The following FAF1 variants were observed in gnomAD, a reference collection of about 807,000 sequenced individuals.
The protein encoded by FAF1 is FAS-associated factor 1.
Under a neutral mutation model 92.5 loss-of-function variants are expected in FAF1, and 25 were observed. That is an observed-to-expected ratio of 0.27 (90% CI 0.20 to 0.38). The LOEUF (loss-of-function observed/expected upper bound fraction) is 0.38, where lower values mean the gene tolerates loss of function less well. FAF1 is among the 10% of genes least tolerant of loss of function. FAF1 has a pLI of 1.00. For synonymous variants in FAF1, 234 were observed against 273.2 expected, an observed-to-expected ratio of 0.86 and a Z score of 1.42; for missense variants, 636 against 793.3, an observed-to-expected ratio of 0.80 and a Z score of 2.38.
chr1:50,710,286 C>G (rs1264139170), intron 6 of FAF1, among the ~76,000 whole-genome samples: 5 of 152,168 alleles, frequency 3.3e-5, no homozygotes, highest in Admixed American at 3.3e-4. Flanking sequence ...GTTTGACTGC[C>G]AGACTGCTTT....
At chr1:50,637,677 A>ATGTGTGTG (rs1290887015) in intron 8 of FAF1, among the ~76,000 whole-genome samples, 5 of 95,330 alleles carry the variant, frequency 5.2e-5, no homozygotes, top group African/African-American at 1.7e-4. Flanking sequence ...TCACACATAT[A>ATGTGTGTG]TATATGTGTG....
In FAF1 at chr1:50,959,892, A is replaced by G. The variant is rs1170319898; in HGVS notation, c.-81T>C. ...GGCACCTCCTGCGACCGTCGCCGCC[A>G]CCGCCGCCGCCGCCGCCGGGCGCCG... On this transcript the variant is annotated 5_prime_UTR_variant, in exon 1 of 19. Coordinates refer to ENST00000396153, the MANE Select transcript of FAF1 (RefSeq NM_007051.3). 5 of 911,336 alleles carry G rather than the reference A, an allele frequency of 5.5e-6. No individual in the cohort carries two copies. Among genetic ancestry groups the G allele is most frequent in the African/African-American group, 1.8e-5 (1 of 57,054 alleles). 56.5% of individuals were successfully genotyped at this position (911,336 alleles called of 1,614,324 possible). A position where few individuals can be genotyped will look rare whatever the true frequency, so the allele number is the denominator to read the frequency against.
intron 7 of FAF1, among the ~76,000 whole-genome samples, chr1:50,663,953 A>G (rs1655506246): frequency 6.6e-6 from 1 of 150,982 alleles, no homozygotes; most frequent in Non-Finnish European, 1.5e-5. Flanking sequence ...ACTTCATTGC[A>G]TTCTCAGTTT....
chr1:50,881,137 A>C (rs1644608663), intron 1 of FAF1, among the ~76,000 whole-genome samples: 2 of 152,200 alleles, frequency 1.3e-5, no homozygotes, highest in Admixed American at 6.5e-5. Context: ...GTTCTAGACA[A>C]ATACAAGAAT....
At chr1:50,557,238 C>T (rs1411575013) in intron 13 of FAF1, among the ~76,000 whole-genome samples, 1 of 152,212 alleles carries the variant, frequency 6.6e-6, no homozygotes, top group Non-Finnish European at 1.5e-5. Context: ...CACATGAAAG[C>T]AATCTATTTA....
chr1:50,641,091 T>TA (rs1654306888), intron 8 of FAF1, among the ~76,000 whole-genome samples: 1 of 151,998 alleles, frequency 6.6e-6, no homozygotes, highest in African/African-American at 2.4e-5. Flanking sequence ...CTCAGCCTCC[T>TA]AAAGTGCTGG....
At chr1:50,757,883 T>C (rs1244452809) in intron 4 of FAF1, among the ~76,000 whole-genome samples, 2 of 152,192 alleles carry the variant, frequency 1.3e-5, no homozygotes, top group Non-Finnish European at 2.9e-5. Context: ...ATGACCATTA[T>C]GTGTATTCAC....
chr1:50,532,841 T>G (rs779391540), intron 15 of FAF1, among the ~76,000 whole-genome samples: 39 of 152,318 alleles, frequency 2.6e-4, no homozygotes, highest in African/African-American at 8.9e-4. Context: ...AGACAGGGTC[T>G]CACTCTGTCA....
chr1:50,829,754 T>C (rs1368567869), intron 2 of FAF1, among the ~76,000 whole-genome samples: 1 of 152,254 alleles, frequency 6.6e-6, no homozygotes. Context: ...GCTGACATTA[T>C]ATCCTGTAAC....
intron 1 of FAF1, among the ~76,000 whole-genome samples, chr1:50,941,973 G>A (rs1164210722): frequency 2.0e-5 from 3 of 152,008 alleles, no homozygotes; most frequent in Non-Finnish European, 4.4e-5. Context: ...ATACCCATTT[G>A]AGAAAATGTG....
intron 1 of FAF1, among the ~76,000 whole-genome samples, chr1:50,952,101 TTTCTACGGTCTCCATCTCCCTC>T (rs1430931267): frequency 6.6e-6 from 1 of 152,184 alleles, no homozygotes; most frequent in Non-Finnish European, 1.5e-5. Flanking sequence ...CCCTCTCCCC[TTTCTACGGTCTCCATCTCCCTC>T]ATCTCCCGTT....
intron 13 of FAF1, 89 bp downstream of exon 13, chr1:50,566,988 G>A: frequency 9.9e-7 from 1 of 1,008,722 alleles, no homozygotes; most frequent in Non-Finnish European, 1.4e-6. Flanking sequence ...GTTTAATGCT[G>A]AGGATGAAAA....
intron 8 of FAF1, among the ~76,000 whole-genome samples, chr1:50,598,503 T>C (rs1651938856): frequency 6.6e-6 from 1 of 151,436 alleles, no homozygotes; most frequent in African/African-American, 2.4e-5. Flanking sequence ...TTTTCTGTTC[T>C]GTAAAATTAA....
intron 15 of FAF1, among the ~76,000 whole-genome samples, chr1:50,493,269 G>C (rs1385780234): frequency 6.6e-6 from 1 of 152,096 alleles, no homozygotes; most frequent in South Asian, 2.1e-4. Flanking sequence ...CTGACCTCAA[G>C]TGATCTGCCT....
intron 5 of FAF1, among the ~76,000 whole-genome samples, chr1:50,741,108 G>C (rs1360808296): frequency 6.6e-6 from 1 of 152,238 alleles, no homozygotes; most frequent in Non-Finnish European, 1.5e-5. Context: ...GAAAGAAACA[G>C]ATATGGTCCC....
chr1:50,936,275 T>C (rs1645084243), intron 1 of FAF1, among the ~76,000 whole-genome samples: 2 of 152,196 alleles, frequency 1.3e-5, no homozygotes, highest in Admixed American at 6.5e-5. Flanking sequence ...AGTAATGTGA[T>C]AGCTATAATG....
chr1:50,695,802 C>G (rs767361731), intron 7 of FAF1, among the ~76,000 whole-genome samples: 10 of 152,108 alleles, frequency 6.6e-5, no homozygotes, highest in Non-Finnish European at 1.5e-4. Flanking sequence ...GAACCCACGA[C>G]CACACCTGGC....
chr1:50,873,502 C>G (rs1275752497), intron 1 of FAF1, among the ~76,000 whole-genome samples: 1 of 152,154 alleles, frequency 6.6e-6, no homozygotes, highest in Non-Finnish European at 1.5e-5. Flanking sequence ...GGACTTACTT[C>G]CCCATCTGGG....
At chr1:50,872,694 C>T (rs989597631) in intron 1 of FAF1, among the ~76,000 whole-genome samples, 1 of 152,036 alleles carries the variant, frequency 6.6e-6, no homozygotes. Flanking sequence ...GTCAGGAGTT[C>T]GAGACCAGGC....
Sources: allele counts gnomAD v4.1 joint callset (sites outside exome capture counted in the v4.1 genomes callset), GRCh38; gene constraint gnomAD v4.1.1; transcripts MANE v1.5; gene names NCBI Gene and HGNC (gene_info 2026-07-23, HGNC 2026-07-21).